SENP1: variants seen among roughly 807,000 people sequenced by gnomAD.
SENP1 encodes the protein sentrin-specific protease 1.
A neutral mutation model predicts 93.0 loss-of-function variants in SENP1; 21 were observed. That is an observed-to-expected ratio of 0.23 (90% confidence interval 0.16 to 0.33). The LOEUF (loss-of-function observed/expected upper bound fraction) is 0.33, where lower values mean the gene tolerates loss of function less well. Ranked by LOEUF, SENP1 falls within the 10% of genes least tolerant of loss-of-function variation. SENP1 has a pLI of 1.00. For missense variants in SENP1, 591 were observed against 758.7 expected (o/e 0.78, Z 2.60); for synonymous variants, 256 against 259.6 (o/e 0.99, Z 0.13).
chr12:48,066,840 T>A (rs1468192276), intron 10 of SENP1, 87 bp downstream of exon 10: 5 of 1,116,560 alleles, frequency 4.5e-6, no homozygotes, highest in Non-Finnish European at 6.6e-6. Flanking sequence ...TGGCAAAAAA[T>A]AAGCAGGATG....
At chr12:48,059,608 T>C (rs1942822238) in intron 13 of SENP1, among the ~76,000 whole-genome samples, 1 of 152,294 alleles carries the variant, frequency 6.6e-6, no homozygotes, top group South Asian at 2.1e-4. Flanking sequence ...AATTGTACTT[T>C]CCCGCCTCAT....
At chr12:48,061,706 C>A (rs1010712511) in intron 13 of SENP1, among the ~76,000 whole-genome samples, 2 of 152,066 alleles carry the variant, frequency 1.3e-5, no homozygotes, top group African/African-American at 4.8e-5. Flanking sequence ...CTGTGTCTGG[C>A]CAAAATTAAG....
At chr12:48,081,578 T>C (rs999686580) in intron 6 of SENP1, 4 of 149,802 alleles carry the variant, frequency 2.7e-5, no homozygotes, top group Admixed American at 2.7e-4. Flanking sequence ...TCGTTTTTTT[T>C]TTTTTTTTTT....
chr12:48,046,955 T>C, intron 16 of SENP1, 23 bp downstream of exon 16: 1 of 1,530,042 alleles, frequency 6.5e-7, no homozygotes. Context: ...TTAGGACTTT[T>C]ATTTCATCAA....
Position 48,083,778 on chromosome 12 carries a change from G to C in SENP1, c.381-16C>G. On this transcript the variant is annotated splice_polypyrimidine_tract_variant and intron_variant, in intron 5 of 17. Coordinates refer to ENST00000549518, the MANE Select transcript of SENP1 (RefSeq NM_001267594.2). ...TGATAATCCACTAAAAAAAGAGTTT[G>C]TAAGAAAGATAAGAACAGATAATAA... 1.3e-6 allele frequency: 2 copies of C among 1,574,014 alleles called. No homozygotes were observed. Among genetic ancestry groups the C allele is most frequent in the Non-Finnish European group, 1.7e-6 (2 of 1,158,308 alleles).
At chr12:48,091,911 G>A (rs568507817) in intron 4 of SENP1, among the ~76,000 whole-genome samples, 1 of 152,148 alleles carries the variant, frequency 6.6e-6, no homozygotes, top group Admixed American at 6.5e-5. Flanking sequence ...AAACTCTTGG[G>A]CTCAGGTGAC....
chr12:48,065,720 C>A, intron 10 of SENP1, 40 bp from the exon 11 acceptor site: 1 of 1,275,776 alleles, frequency 7.8e-7, no homozygotes, highest in South Asian at 1.3e-5. Flanking sequence ...GTAGACCACT[C>A]TCATTATGAA....
At chr12:48,076,425 A>G (rs1259770004) in intron 6 of SENP1, among the ~76,000 whole-genome samples, 1 of 152,042 alleles carries the variant, frequency 6.6e-6, no homozygotes, top group East Asian at 1.9e-4. Flanking sequence ...CCTAGGTTCA[A>G]GTGATTCTCC....
chr12:48,060,656 C>T (rs1001072250), intron 13 of SENP1, among the ~76,000 whole-genome samples: 2 of 152,186 alleles, frequency 1.3e-5, no homozygotes, highest in African/African-American at 4.8e-5. Flanking sequence ...ACAATCATAA[C>T]TCACTGCAGC....
rs193149152 is a variant in SENP1 at position 48,081,951 on chromosome 12, C to T, written c.552+1640G>A. Reference sequence around the variant, plus strand: ...TCACCCAGGCTGGAGTGCAGTGGCGCGATTTCGGCTCACTGCAAGCTCTGC... The same window carrying T: ...TCACCCAGGCTGGAGTGCAGTGGCGTGATTTCGGCTCACTGCAAGCTCTGC... On this transcript the variant is annotated intron_variant, in intron 6 of 17. Coordinates refer to ENST00000549518, the MANE Select transcript of SENP1 (RefSeq NM_001267594.2). 6.6e-5 allele frequency among the ~76,000 whole-genome samples: 10 copies of T among 152,078 alleles called. No homozygotes were observed. The East Asian group carries it at 1.7e-3, about 26-fold the overall frequency.
At chr12:48,082,174 C>T (rs765258796) in intron 6 of SENP1, among the ~76,000 whole-genome samples, 8 of 152,208 alleles carry the variant, frequency 5.3e-5, no homozygotes, top group Admixed American at 1.3e-4. Flanking sequence ...CAGGCATGAG[C>T]CACCATGCCC....
chr12:48,074,247 A>G, intron 8 of SENP1, 77 bp downstream of exon 8: 2 of 1,162,966 alleles, frequency 1.7e-6, no homozygotes, highest in Non-Finnish European at 2.5e-6. Context: ...GTATATTACA[A>G]TGTTGCCTGT....
intron 4 of SENP1, among the ~76,000 whole-genome samples, chr12:48,096,011 C>T (rs912320600): frequency 5.3e-5 from 8 of 152,122 alleles, no homozygotes; most frequent in Non-Finnish European, 1.2e-4. Flanking sequence ...TTTAAATTAA[C>T]GCAAAACAAA....
chr12:48,051,846 C>T (rs2094567740), intron 13 of SENP1, among the ~76,000 whole-genome samples: 1 of 149,542 alleles, frequency 6.7e-6, no homozygotes, highest in Non-Finnish European at 1.5e-5. Flanking sequence ...TTGAAATGAG[C>T]TAAAAGTAGA....
intron 6 of SENP1, among the ~76,000 whole-genome samples, chr12:48,078,810 G>C (rs1390740013): frequency 6.6e-6 from 1 of 152,178 alleles, no homozygotes. Context: ...GGTACTATCA[G>C]TAAAAGAAAA....
chr12:48,082,526 AAAC>A (rs1172819433), intron 6 of SENP1, among the ~76,000 whole-genome samples: 1 of 152,218 alleles, frequency 6.6e-6, no homozygotes, highest in African/African-American at 2.4e-5. Flanking sequence ...AAAGGATTAA[AAAC>A]AATAATACAC....
intron 5 of SENP1, chr12:48,088,467 AAT>A: frequency 3.5e-6 from 1 of 283,378 alleles, no homozygotes; most frequent in South Asian, 4.2e-5. Flanking sequence ...ATAGCTGTAA[AAT>A]ATGTTTCTTT....
chr12:48,094,880 C>T (rs970080218), intron 4 of SENP1, among the ~76,000 whole-genome samples: 21 of 152,110 alleles, frequency 1.4e-4, no homozygotes, highest in African/African-American at 5.1e-4. Context: ...AATGGAAATA[C>T]TGATGATCTA....
At chr12:48,093,406 C>T (rs1161521150) in intron 4 of SENP1, among the ~76,000 whole-genome samples, 1 of 151,028 alleles carries the variant, frequency 6.6e-6, no homozygotes, top group East Asian at 2.0e-4. Context: ...GCCTCAGCTT[C>T]CCAAGTAGCT....
Sources: gnomAD v4.1 joint callset for allele counts (sites outside exome capture counted in the v4.1 genomes callset) on GRCh38, gnomAD v4.1.1 for gene constraint, MANE v1.5 for transcripts, NCBI Gene and HGNC (gene_info 2026-07-23, HGNC 2026-07-21) for gene names.